The following FBXW7 variants were observed in gnomAD, a reference collection of about 807,000 sequenced individuals.
FBXW7 encodes the protein F-box/WD repeat-containing protein 7.
FBXW7 carries 11 observed loss-of-function variants against 86.3 expected under a neutral mutation model. The observed-to-expected ratio is 0.13, with a 90% CI of 0.08 to 0.21. FBXW7 has a LOEUF of 0.21. FBXW7 is among the 10% of genes least tolerant of loss of function. FBXW7 has a pLI of 1.00. For synonymous variants in FBXW7, 313 were observed against 297.9 expected, an observed-to-expected ratio of 1.05 and a Z score of -0.52; for missense variants, 488 against 847.4, an observed-to-expected ratio of 0.58 and a Z score of 5.27.
intron 4 of FBXW7, among the ~76,000 whole-genome samples, chr4:152,378,150 T>C (rs988133823): frequency 3.3e-5 from 5 of 152,188 alleles, no homozygotes; most frequent in East Asian, 1.9e-4. Flanking sequence ...AGAAAAAGCA[T>C]GTGGACTCCT....
intron 2 of FBXW7, among the ~76,000 whole-genome samples, chr4:152,510,391 T>C (rs951293553): frequency 6.6e-6 from 1 of 152,194 alleles, no homozygotes; most frequent in African/African-American, 2.4e-5. Flanking sequence ...GCCACAAAAA[T>C]GTATACTCCC....
chr4:152,411,973 A>G (rs1318702206), intron 3 of FBXW7, 101 bp from the exon 4 acceptor site: 1 of 1,120,364 alleles, frequency 8.9e-7, no homozygotes, highest in Admixed American at 3.1e-5. Context: ...AATGATTGCA[A>G]AAAAGTATTG....
chr4:152,324,064 A>C, intron 13 of FBXW7, 120 bp downstream of exon 13: 1 of 707,474 alleles, frequency 1.4e-6, no homozygotes, highest in Non-Finnish European at 2.4e-6. Context: ...ATATTCATAA[A>C]CTTTTCTGAA....
rs1359191284 is a variant in FBXW7 at position 152,498,555 on chromosome 4, T to G, written c.-120+36386A>C. ...ATCTAATAGGTGCAAGACATTCTGT[T>G]GGACAATGCAAGCGATATAAAGAGG... On this transcript the variant is annotated intron_variant, in intron 2 of 13. Coordinates refer to ENST00000281708, the MANE Select transcript of FBXW7 (RefSeq NM_001349798.2). 2.0e-5 allele frequency among the ~76,000 whole-genome samples: 3 copies of G among 152,170 alleles called. 1 individual carries two copies. Among genetic ancestry groups the G allele is most frequent in the Non-Finnish European group, 4.4e-5 (3 of 68,034 alleles).
intron 2 of FBXW7, among the ~76,000 whole-genome samples, chr4:152,504,993 T>C (rs533655586): frequency 5.9e-4 from 90 of 152,232 alleles, no homozygotes; most frequent in Non-Finnish European, 1.2e-3. Flanking sequence ...TTCAGAGAAA[T>C]GTGTCAGGCA....
intron 2 of FBXW7, among the ~76,000 whole-genome samples, chr4:152,425,748 A>G (rs1739324368): frequency 6.6e-6 from 1 of 152,166 alleles, no homozygotes; most frequent in South Asian, 2.1e-4. Flanking sequence ...GAAACCTGGA[A>G]ACCTTGGGTT....
At chr4:152,423,530 T>C (rs1739128145) in intron 2 of FBXW7, among the ~76,000 whole-genome samples, 1 of 152,210 alleles carries the variant, frequency 6.6e-6, no homozygotes, top group Admixed American at 6.5e-5. Context: ...GTTATTAAAC[T>C]TGATTTTGGT....
At chr4:152,474,163 T>C (rs1560942777) in intron 2 of FBXW7, among the ~76,000 whole-genome samples, 1 of 152,214 alleles carries the variant, frequency 6.6e-6, no homozygotes, top group Non-Finnish European at 1.5e-5. Flanking sequence ...TTATAACTTC[T>C]AGTAACATTA....
intron 2 of FBXW7, among the ~76,000 whole-genome samples, chr4:152,425,581 C>G (rs1006395452): frequency 6.6e-6 from 1 of 151,276 alleles, no homozygotes; most frequent in African/African-American, 2.4e-5. Flanking sequence ...AATTAAAATA[C>G]CAGATAAAAC....
chr4:152,340,674 A>G (rs1157771483), intron 6 of FBXW7, among the ~76,000 whole-genome samples: 1 of 151,792 alleles, frequency 6.6e-6, no homozygotes, highest in Non-Finnish European at 1.5e-5. Flanking sequence ...CAACTGTCCT[A>G]TCGTTTAAAA....
intron 2 of FBXW7, among the ~76,000 whole-genome samples, chr4:152,500,536 A>G (rs1374560491): frequency 6.6e-6 from 1 of 151,406 alleles, no homozygotes; most frequent in African/African-American, 2.4e-5. Flanking sequence ...AAAAAATTAC[A>G]TATAATCCTT....
intron 2 of FBXW7, among the ~76,000 whole-genome samples, chr4:152,463,593 T>G (rs2149636325): frequency 6.6e-6 from 1 of 151,988 alleles, no homozygotes; most frequent in African/African-American, 2.4e-5. Context: ...AGATAAGGAG[T>G]TAGTTCATGA....
intron 2 of FBXW7, among the ~76,000 whole-genome samples, chr4:152,445,324 C>A (rs1444011654): frequency 1.3e-5 from 2 of 152,102 alleles, no homozygotes; most frequent in African/African-American, 4.8e-5. Context: ...ATTGAAAGTA[C>A]AAATACAAAC....
At position 152,535,442 on chromosome 4, in the gene FBXW7, T is replaced by A. The variant is rs1750449512; in HGVS notation, c.-528A>T. 2 of 389,178 alleles carry A rather than the reference T, an allele frequency of 5.1e-6. No individual in the cohort carries two copies. The highest frequency in any genetic ancestry group is 9.1e-6 in the Non-Finnish European group (2 of 220,476). 24.1% of individuals were successfully genotyped at this position (389,178 alleles called of 1,614,324 possible). A position where few individuals can be genotyped will look rare whatever the true frequency, so the allele number is the denominator to read the frequency against. ...GAGGAAAGGACGGCGGCGTCGGTCCTGTTCTCTCCGCCGCCCCAGCCGCCG... is the reference window on the plus strand; with the variant it reads ...GAGGAAAGGACGGCGGCGTCGGTCCAGTTCTCTCCGCCGCCCCAGCCGCCG... On this transcript the variant is annotated 5_prime_UTR_variant, in exon 1 of 14. Transcript: ENST00000281708.
At chr4:152,510,406 A>G (rs1747851992) in intron 2 of FBXW7, among the ~76,000 whole-genome samples, 1 of 152,170 alleles carries the variant, frequency 6.6e-6, no homozygotes, top group Admixed American at 6.5e-5. Flanking sequence ...ACTCCCAACA[A>G]CAGTATGAGA....
chr4:152,499,456 T>A (rs1004272218), intron 2 of FBXW7, among the ~76,000 whole-genome samples: 1 of 152,078 alleles, frequency 6.6e-6, no homozygotes, highest in Non-Finnish European at 1.5e-5. Context: ...CAAATACAGA[T>A]CAAGTCTATG....
intron 2 of FBXW7, among the ~76,000 whole-genome samples, chr4:152,449,948 T>C (rs1663813206): frequency 1.3e-5 from 2 of 152,224 alleles, no homozygotes; most frequent in Admixed American, 1.3e-4. Context: ...AGAGCACCCT[T>C]TTTGGGGAAG....
intron 4 of FBXW7, among the ~76,000 whole-genome samples, chr4:152,409,015 GA>G (rs1417956009): frequency 6.6e-6 from 1 of 152,156 alleles, no homozygotes; most frequent in East Asian, 1.9e-4. Context: ...GACAAGGGGG[GA>G]AAAACTGTCC....
At chr4:152,438,932 T>C (rs1281115844) in intron 2 of FBXW7, among the ~76,000 whole-genome samples, 2 of 152,220 alleles carry the variant, frequency 1.3e-5, no homozygotes, top group African/African-American at 2.4e-5. Context: ...CATGTTCTTG[T>C]AGTGTACATT....
Sources: gnomAD v4.1 joint callset for allele counts (sites outside exome capture counted in the v4.1 genomes callset) on GRCh38, gnomAD v4.1.1 for gene constraint, MANE v1.5 for transcripts, NCBI Gene and HGNC (gene_info 2026-07-23, HGNC 2026-07-21) for gene names.